The following TMEM170B variants were observed in gnomAD, a reference collection of about 807,000 sequenced individuals.
TMEM170B encodes the protein transmembrane protein 170B.
Under a neutral mutation model 13.0 loss-of-function variants are expected in TMEM170B, and 6 were observed. The observed-to-expected ratio is 0.46, with a 90% CI of 0.25 to 0.91. TMEM170B has a LOEUF of 0.91. TMEM170B is among the 40% of genes least tolerant of loss of function. The pLI is 0.17. For synonymous variants in TMEM170B, 61 were observed against 64.9 expected (o/e 0.94, Z 0.29); for missense variants, 138 against 165.2 (o/e 0.84, Z 0.90).
rs9469420 is a variant in TMEM170B at position 11,558,508 on chromosome 6, A to G, written c.98-7158A>G. Among the ~76,000 whole-genome samples the G allele has an allele frequency of 2.5e-3, 374 of 152,326 alleles. 2 individuals are homozygous for G. Among genetic ancestry groups the G allele is most frequent in the African/African-American group, 8.5e-3 (354 of 41,566 alleles). On this transcript the variant is annotated intron_variant, in intron 1 of 2. Coordinates refer to ENST00000379426, the MANE Select transcript of TMEM170B (RefSeq NM_001100829.3). Reference sequence around the variant, plus strand: ...TAAAAAATTCCAGTGCCCAAGCTACATCGTAAACCAATTAAATCAGAATGT... The same window carrying G: ...TAAAAAATTCCAGTGCCCAAGCTACGTCGTAAACCAATTAAATCAGAATGT...
intron 1 of TMEM170B, among the ~76,000 whole-genome samples, chr6:11,549,611 C>T (rs1001581476): frequency 7.3e-5 from 11 of 150,768 alleles, no homozygotes; most frequent in African/African-American, 2.2e-4. Context: ...TGCAGCGAGC[C>T]GAGATGGCGC....
chr6:11,582,979 G>A lies in TMEM170B; in HGVS notation c.*7418G>A, dbSNP rs1165580516. On this transcript the variant is annotated 3_prime_UTR_variant, in exon 3 of 3. Transcript: ENST00000379426. ...CAAGCTGTAAATATTGTATATTATT[G>A]ATTTTTAATTTTATATAAGCAATTT... 1 of 151,956 alleles carries A rather than the reference G, an allele frequency of 6.6e-6. No individual in the cohort carries two copies. Among genetic ancestry groups the A allele is most frequent in the African/African-American group, 2.4e-5 (1 of 41,376 alleles). 9.4% of individuals were successfully genotyped at this position (151,956 alleles called of 1,614,324 possible). A position where few individuals can be genotyped will look rare whatever the true frequency, so the allele number is the denominator to read the frequency against.
In TMEM170B at chr6:11,551,604, C is replaced by G. The variant is rs192999567; in HGVS notation, c.97+13230C>G. Among the ~76,000 whole-genome samples the G allele has an allele frequency of 1.9e-3, 284 of 152,162 alleles. 4 individuals carry two copies. The highest frequency in any genetic ancestry group is 4.4e-4 in the Non-Finnish European group (30 of 67,996). ...TTTTCAAGGATTAATCCTGATATTT[C>G]TTGATTATAAGTTATGTGCCAGTCT... On this transcript the variant is annotated intron_variant, in intron 1 of 2. Coordinates refer to ENST00000379426, the MANE Select transcript of TMEM170B (RefSeq NM_001100829.3).
In TMEM170B at chr6:11,581,365, T is replaced by C. The variant is rs1224742742; in HGVS notation, c.*5804T>C. ...GAGCTGGTTTAGGAAAGAATACTCT[T>C]AACCCCTACAGTTATGCAGCTCTAA... is the stretch of plus-strand genomic sequence containing the variant. On this transcript the variant is annotated 3_prime_UTR_variant, in exon 3 of 3. Transcript: ENST00000379426. 14 of 152,216 alleles carry C rather than the reference T, an allele frequency of 9.2e-5. No individual in the cohort carries two copies. Among genetic ancestry groups the C allele is most frequent in the Non-Finnish European group, 2.1e-4 (14 of 68,038 alleles). 9.4% of individuals were successfully genotyped at this position (152,216 alleles called of 1,614,324 possible).
intron 1 of TMEM170B, among the ~76,000 whole-genome samples, chr6:11,564,658 T>C (rs1345195570): frequency 6.6e-6 from 1 of 152,230 alleles, no homozygotes; most frequent in Non-Finnish European, 1.5e-5. Flanking sequence ...CTAAGGATGG[T>C]AATGAGTCAG....
chr6:11,558,723 A>G (rs970465405), intron 1 of TMEM170B, among the ~76,000 whole-genome samples: 1 of 152,172 alleles, frequency 6.6e-6, no homozygotes, highest in Admixed American at 6.5e-5. Context: ...TTTCTTGACA[A>G]CCCACACCCT....
In TMEM170B at chr6:11,579,119, T is replaced by C. The variant is rs914265424; in HGVS notation, c.*3558T>C. The C allele has an allele frequency of 6.6e-6, 1 of 152,214 alleles. No homozygotes were observed. Among genetic ancestry groups the C allele is most frequent in the African/African-American group, 2.4e-5 (1 of 41,460 alleles). The allele number at this position is 152,214 out of a possible 1,614,324, so 9.4% of individuals were successfully genotyped here. A position where few individuals can be genotyped will look rare whatever the true frequency, so the allele number is the denominator to read the frequency against. On this transcript the variant is annotated 3_prime_UTR_variant, in exon 3 of 3. Coordinates refer to ENST00000379426, the MANE Select transcript of TMEM170B (RefSeq NM_001100829.3). The stretch of plus-strand genomic sequence containing the variant: ...GGGACAACATTTTGCTTCCTGATTT[T>C]AGTTGAGAGTTAGCCTGTTATCCCT...
chr6:11,545,002 A>C (rs531767880), intron 1 of TMEM170B, among the ~76,000 whole-genome samples: 34 of 151,018 alleles, frequency 2.3e-4, no homozygotes, highest in Non-Finnish European at 3.5e-4. Context: ...CTTCCATCTT[A>C]GTGTTCTGAC....
chr6:11,563,204 C>T (rs529421542), intron 1 of TMEM170B, among the ~76,000 whole-genome samples: 11 of 152,128 alleles, frequency 7.2e-5, no homozygotes, highest in African/African-American at 2.2e-4. Flanking sequence ...GGCATGGTGA[C>T]GGGCACCTGT....
intron 1 of TMEM170B, 96 bp downstream of exon 1, chr6:11,538,470 C>G (rs1417291717): frequency 2.2e-6 from 2 of 901,434 alleles, no homozygotes; most frequent in Non-Finnish European, 3.2e-6. Flanking sequence ...CCGCCCCACC[C>G]CCGTGCGCGC....
In TMEM170B at chr6:11,575,390, G is replaced by A. The variant is rs191484245; in HGVS notation, c.269-41G>A. On this transcript the variant is annotated intron_variant, in intron 2 of 2. Coordinates refer to ENST00000379426, the MANE Select transcript of TMEM170B (RefSeq NM_001100829.3). This position sits in a 1 kb window ranked among gnomAD's most constrained non-coding sequence, Gnocchi z 4.1. ...TGCAGCATGCAGTGTGTTATAAAAC[G>A]AGTGACTGTATCCCTTCATTTTTCT... 70 of 1,611,386 alleles carry A rather than the reference G, an allele frequency of 4.3e-5. No individual in the cohort carries two copies. In the African/African-American group the frequency reaches 6.5e-4, roughly 15 times the overall value.
chr6:11,538,960 C>G lies in TMEM170B; in HGVS notation c.97+586C>G, dbSNP rs79238406. Among the ~76,000 whole-genome samples, 2 of 152,230 alleles carry G rather than the reference C, an allele frequency of 1.3e-5. 1 individual carries two copies. The highest frequency in any genetic ancestry group is 4.1e-4 in the South Asian group (2 of 4,830). On this transcript the variant is annotated intron_variant, in intron 1 of 2. Transcript: ENST00000379426. ...GTGTTAGCTTCATATATCTCCTTCCCCTCCCATTTCCTTTTGTCTGTCTGT... is the reference window on the plus strand; with the variant it reads ...GTGTTAGCTTCATATATCTCCTTCCGCTCCCATTTCCTTTTGTCTGTCTGT...
intron 1 of TMEM170B, among the ~76,000 whole-genome samples, chr6:11,562,083 T>C (rs1174914547): frequency 2.6e-5 from 4 of 152,164 alleles, no homozygotes; most frequent in African/African-American, 9.7e-5. Flanking sequence ...TGTTGACTTT[T>C]GTATTGAAGA....
At chr6:11,568,853 G>T (rs1272276600) in intron 2 of TMEM170B, among the ~76,000 whole-genome samples, 1 of 152,084 alleles carries the variant, frequency 6.6e-6, no homozygotes, top group Non-Finnish European at 1.5e-5. Flanking sequence ...ACTGAATATA[G>T]TTACATATTC....
intron 1 of TMEM170B, among the ~76,000 whole-genome samples, chr6:11,559,359 G>A (rs1398175981): frequency 2.0e-5 from 3 of 151,844 alleles, no homozygotes; most frequent in East Asian, 1.9e-4. Flanking sequence ...AACCATGCCT[G>A]GCTAATTTTT....
rs1453621303 is a variant in TMEM170B, at chr6:11,583,452, C to T, written c.*7891C>T. On this transcript the variant is annotated 3_prime_UTR_variant, in exon 3 of 3. Transcript: ENST00000379426. ...TATTGGATTAAAAATTTGTAATATA[C>T]AGTATTTTAATAAAGTTTCTGTATT... 2 of 152,072 alleles carry T rather than the reference C, an allele frequency of 1.3e-5. No individual in the cohort carries two copies. Among genetic ancestry groups the T allele is most frequent in the Non-Finnish European group, 2.9e-5 (2 of 68,002 alleles). The allele number at this position is 152,072 out of a possible 1,614,324, so 9.4% of individuals were successfully genotyped here.
At position 11,579,720 on chromosome 6, in the gene TMEM170B, G is replaced by T. The variant is rs1759926650; in HGVS notation, c.*4159G>T. On this transcript the variant is annotated 3_prime_UTR_variant, in exon 3 of 3. Transcript: ENST00000379426. ...TGACCACTGGTTAAAATAGGAAAAG[G>T]GTAGAGAGGTAGTCAGCCTTGACTC... The T allele has an allele frequency of 6.6e-6, 1 of 152,162 alleles. No homozygotes were observed. The highest frequency in any genetic ancestry group is 1.5e-5 in the Non-Finnish European group (1 of 68,040). 9.4% of individuals were successfully genotyped at this position (152,162 alleles called of 1,614,324 possible).
intron 1 of TMEM170B, among the ~76,000 whole-genome samples, chr6:11,541,249 C>T (rs1357514029): frequency 6.6e-6 from 1 of 152,214 alleles, no homozygotes. Flanking sequence ...TCCTAAATGG[C>T]ATCTTCTTCT....
chr6:11,551,093 T>A (rs1759518108), intron 1 of TMEM170B, among the ~76,000 whole-genome samples: 2 of 152,152 alleles, frequency 1.3e-5, no homozygotes, highest in Admixed American at 1.3e-4. Context: ...GACTACTGCA[T>A]TCTCTGCAGA....
Sources: allele counts gnomAD v4.1 joint callset (sites outside exome capture counted in the v4.1 genomes callset), GRCh38; gene constraint gnomAD v4.1.1; non-coding constraint Gnocchi (gnomAD v3.1); transcripts MANE v1.5; gene names NCBI Gene and HGNC (gene_info 2026-07-23, HGNC 2026-07-21).